Variants in INPP4B observed in about 807,000 individuals in gnomAD.
INPP4B encodes inositol polyphosphate 4-phosphatase type II.
A neutral mutation model predicts 122.5 loss-of-function variants in INPP4B; 55 were observed. The observed-to-expected ratio is 0.45, with a 90% confidence interval of 0.36 to 0.56. The LOEUF (loss-of-function observed/expected upper bound fraction) is 0.56. Among genes scored for constraint, INPP4B ranks in the 20% least tolerant of loss-of-function variants. INPP4B has a pLI of 0.00. For missense variants in INPP4B, 1,000 were observed against 1,097.7 expected (o/e 0.91, Z 1.26); for synonymous variants, 403 against 388.7 (o/e 1.04, Z -0.43).
At chr4:142,830,863 A>G (rs1449737612) in intron 1 of INPP4B, among the ~76,000 whole-genome samples, 1 of 151,468 alleles carries the variant, frequency 6.6e-6, no homozygotes, top group African/African-American at 2.4e-5. Context: ...AAAAAAAAAA[A>G]AAAAAAAAAT....
chr4:142,305,727 A>C (rs764514314), intron 8 of INPP4B, 190 bp from the exon 9 acceptor site: 5 of 1,419,042 alleles, frequency 3.5e-6, no homozygotes, highest in Non-Finnish European at 3.7e-6. Context: ...AAGGGTGAAA[A>C]TGTATCATTT....
intron 25 of INPP4B, among the ~76,000 whole-genome samples, chr4:142,066,093 G>C (rs1412615820): frequency 2.0e-5 from 3 of 152,098 alleles, no homozygotes; most frequent in Non-Finnish European, 4.4e-5. Flanking sequence ...ATAATTTTCT[G>C]AAAATAGACT....
intron 15 of INPP4B, among the ~76,000 whole-genome samples, chr4:142,181,233 T>C (rs1053790875): frequency 1.3e-5 from 2 of 152,150 alleles, no homozygotes; most frequent in African/African-American, 2.4e-5. Context: ...TTCCTTCCAT[T>C]CCTGAGACGA....
In INPP4B at chr4:142,270,712, A is replaced by C. The variant is rs775631143; in HGVS notation, c.566T>G (p.Ile189Ser). 6.2e-7 allele frequency: 1 copy of C among 1,613,552 alleles called. No homozygotes were observed. The highest frequency in any genetic ancestry group is 8.5e-7 in the Non-Finnish European group (1 of 1,179,778). The change falls in exon 10 of 26, where the codon ATT becomes AGT. Residue 189 changes from isoleucine to serine, a missense_variant. Transcript: ENST00000262992. The stretch of plus-strand genomic sequence containing the variant: ...GATGTGGTCGGCTTCCCCATCCTCA[A>C]TCTCCCCCATCTTCACGACACTGAC... ...IEVSVVKMGE[I>S]EDGEADHITT...
At chr4:142,144,388 T>A (rs1809555822) in intron 18 of INPP4B, among the ~76,000 whole-genome samples, 1 of 152,008 alleles carries the variant, frequency 6.6e-6, no homozygotes, top group African/African-American at 2.4e-5. Context: ...ATAATATGCC[T>A]TGAAAAAATC....
At chr4:142,719,230 C>T (rs770560754) in intron 2 of INPP4B, among the ~76,000 whole-genome samples, 1 of 152,148 alleles carries the variant, frequency 6.6e-6, no homozygotes, top group Non-Finnish European at 1.5e-5. Flanking sequence ...ATTGAATCCT[C>T]CTGCTAATGT....
chr4:142,757,051 C>T (rs1415240420), intron 1 of INPP4B, among the ~76,000 whole-genome samples: 1 of 152,164 alleles, frequency 6.6e-6, no homozygotes, highest in Non-Finnish European at 1.5e-5. Context: ...GTGTCTAGAT[C>T]TATGGCTTCC....
chr4:142,599,731 C>CA (rs1031817971), intron 2 of INPP4B, among the ~76,000 whole-genome samples: 1 of 151,260 alleles, frequency 6.6e-6, no homozygotes, highest in Non-Finnish European at 1.5e-5. Context: ...ACTTATCATA[C>CA]AAAAAAATCT....
intron 2 of INPP4B, among the ~76,000 whole-genome samples, chr4:142,532,952 C>T (rs4975318): frequency 0.23 from 35,604 of 151,968 alleles, 5,302 homozygotes; most frequent in East Asian, 0.78. Context: ...TAAATCACAA[C>T]GCCAAGAATT....
At chr4:142,044,287 A>G (rs1413871947) in intron 25 of INPP4B, among the ~76,000 whole-genome samples, 1 of 152,172 alleles carries the variant, frequency 6.6e-6, no homozygotes, top group Non-Finnish European at 1.5e-5. Flanking sequence ...AATACATCAC[A>G]CAGACAAGGG....
intron 1 of INPP4B, among the ~76,000 whole-genome samples, chr4:142,778,660 G>T (rs975186452): frequency 1.3e-5 from 2 of 152,030 alleles, no homozygotes; most frequent in Non-Finnish European, 2.9e-5. Flanking sequence ...GTTGGAAGGA[G>T]ATATTAAGAA....
At chr4:142,218,975 C>G (rs141327492) in intron 12 of INPP4B, among the ~76,000 whole-genome samples, 2,870 of 152,242 alleles carry the variant, frequency 0.019, 45 homozygotes, top group Non-Finnish European at 0.027. Context: ...ATTCAGCCTA[C>G]AATTCAAAAT....
intron 3 of INPP4B, among the ~76,000 whole-genome samples, chr4:142,457,664 T>A (rs1220939020): frequency 6.6e-6 from 1 of 152,220 alleles, no homozygotes; most frequent in African/African-American, 2.4e-5. Context: ...GTAAGGGTGT[T>A]AACCAACCTT....
In INPP4B at chr4:142,783,768, A is replaced by G. The variant is rs1255036593; in HGVS notation, c.-253-57867T>C. 2.0e-5 allele frequency among the ~76,000 whole-genome samples: 3 copies of G among 152,118 alleles called. No individual in the cohort carries two copies. The South Asian group carries it at 6.2e-4, about 32-fold the overall frequency. On this transcript the variant is annotated intron_variant, in intron 1 of 25. Coordinates refer to ENST00000262992, the MANE Select transcript of INPP4B (RefSeq NM_001101669.3). The stretch of plus-strand genomic sequence containing the variant: ...TGTAGCGTATTACTTGCTTCTCCCA[A>G]TCCTTCCCACCTCTTTCTTACCAAT...
At chr4:142,045,826 G>C (rs1229085293) in intron 25 of INPP4B, among the ~76,000 whole-genome samples, 1 of 152,108 alleles carries the variant, frequency 6.6e-6, no homozygotes, top group Non-Finnish European at 1.5e-5. Context: ...CAAAAGTAAA[G>C]GAGATAAATT....
chr4:142,519,543 G>A (rs922244614), intron 2 of INPP4B, among the ~76,000 whole-genome samples: 3 of 152,062 alleles, frequency 2.0e-5, no homozygotes, highest in African/African-American at 4.8e-5. Flanking sequence ...AGTTAAGAGG[G>A]ACATCTGCCT....
At chr4:142,803,852 T>C (rs558832425) in intron 1 of INPP4B, among the ~76,000 whole-genome samples, 20 of 151,954 alleles carry the variant, frequency 1.3e-4, no homozygotes, top group Admixed American at 3.9e-4. Context: ...AGGTCAGGAC[T>C]TCGAAACCAG....
intron 1 of INPP4B, among the ~76,000 whole-genome samples, chr4:142,749,645 A>G (rs1195432281): frequency 6.6e-6 from 1 of 151,972 alleles, no homozygotes; most frequent in Non-Finnish European, 1.5e-5. Context: ...CTTGCTGTAT[A>G]AGATAAAAAT....
chr4:142,236,425 A>T (rs1385902093), intron 12 of INPP4B, among the ~76,000 whole-genome samples: 1 of 152,172 alleles, frequency 6.6e-6, no homozygotes, highest in Non-Finnish European at 1.5e-5. Flanking sequence ...AACCCACTTC[A>T]GGATAACTTG....
Sources: allele counts gnomAD v4.1 joint callset (sites outside exome capture counted in the v4.1 genomes callset), GRCh38; gene constraint gnomAD v4.1.1; transcripts MANE v1.5; gene names NCBI Gene and HGNC (gene_info 2026-07-23, HGNC 2026-07-21).